Variants in RGMA observed in about 807,000 individuals in gnomAD.
RGMA encodes repulsive guidance molecule BMP co-receptor a, also known as repulsive guidance molecule A.
RGMA carries 10 observed loss-of-function variants against 23.2 expected under a neutral mutation model. The observed-to-expected ratio is 0.43, with a 90% confidence interval of 0.27 to 0.73. The LOEUF is 0.73. Ranked by LOEUF, RGMA falls within the 30% of genes least tolerant of loss-of-function variation. The pLI is 0.20. For missense variants in RGMA, 547 were observed against 630.5 expected, an observed-to-expected ratio of 0.87 and a Z score of 1.42; for synonymous variants, 308 against 279.3, an observed-to-expected ratio of 1.10 and a Z score of -1.03.
chr15:93,083,969 A>G (rs1895598374), intron 1 of RGMA, among the ~76,000 whole-genome samples: 1 of 152,228 alleles, frequency 6.6e-6, no homozygotes, highest in Non-Finnish European at 1.5e-5. Context: ...TTTATACTTT[A>G]CCTCTTTCCA....
rs140514824 is a variant in RGMA, at chr15:93,053,465, C to G, written c.131-958G>C. On this transcript the variant is annotated intron_variant, in intron 2 of 3. Coordinates refer to ENST00000329082, the MANE Select transcript of RGMA (RefSeq NM_020211.3). The stretch of plus-strand genomic sequence containing the variant: ...CTCTGGGGTCACAGCCCAGTCCTGG[C>G]CTGGGTGGTCTCCAGCGGGGAAAGG... 7.2e-3 allele frequency among the ~76,000 whole-genome samples: 1,103 copies of G among 152,280 alleles called. 7 individuals are homozygous for G. The highest frequency in any genetic ancestry group is 0.011 in the Non-Finnish European group (763 of 68,014).
chr15:93,066,224 T>C, intron 2 of RGMA: 1 of 1,409,808 alleles, frequency 7.1e-7, no homozygotes, highest in African/African-American at 1.4e-5. Context: ...TCTCCAACGC[T>C]GCGCAGAAAC....
chr15:93,059,572 T>G (rs2055069286), intron 2 of RGMA, among the ~76,000 whole-genome samples: 1 of 152,156 alleles, frequency 6.6e-6, no homozygotes, highest in African/African-American at 2.4e-5. Flanking sequence ...GAAAGGAAGC[T>G]CTCTGGGAAC....
intron 1 of RGMA, among the ~76,000 whole-genome samples, chr15:93,085,155 G>C (rs960744993): frequency 5.1e-4 from 78 of 152,228 alleles, no homozygotes; most frequent in African/African-American, 1.8e-3. Context: ...CCAGGAAACA[G>C]AGCAAACTGT....
chr15:93,055,623 C>T (rs2055000976), intron 2 of RGMA, among the ~76,000 whole-genome samples: 1 of 152,192 alleles, frequency 6.6e-6, no homozygotes, highest in Non-Finnish European at 1.5e-5. Context: ...GATTCCCTCC[C>T]CCACGGGTGG....
intron 1 of RGMA, chr15:93,074,159 A>C: frequency 2.2e-6 from 1 of 458,484 alleles, no homozygotes; most frequent in Non-Finnish European, 3.1e-6. Context: ...GTTCTTAGTC[A>C]AACCAACTCC....
chr15:93,050,250 T>C (rs1294202245), intron 3 of RGMA, among the ~76,000 whole-genome samples: 1 of 152,198 alleles, frequency 6.6e-6, no homozygotes, highest in Non-Finnish European at 1.5e-5. Flanking sequence ...GTCTGTTAAG[T>C]GTTTGCTCCA....
intron 1 of RGMA, chr15:93,088,306 G>A: frequency 1.0e-6 from 1 of 983,450 alleles, no homozygotes; most frequent in Non-Finnish European, 1.2e-6. Context: ...GGCGCGAGCC[G>A]GCGCTGAATC....
chr15:93,061,401 C>T (rs909511943), intron 2 of RGMA, among the ~76,000 whole-genome samples: 7 of 152,218 alleles, frequency 4.6e-5, no homozygotes, highest in African/African-American at 1.4e-4. Context: ...CCACCTGCCT[C>T]GGCCTCCCAA....
At chr15:93,064,466 C>A (rs554307404) in intron 2 of RGMA, among the ~76,000 whole-genome samples, 26 of 152,354 alleles carry the variant, frequency 1.7e-4, no homozygotes, top group Non-Finnish European at 3.4e-4. Context: ...TTTGAAGTGG[C>A]TTTTCTCCCT....
chr15:93,043,131 C>T lies in RGMA; in HGVS notation c.*1867G>A, dbSNP rs1278789202. On this transcript the variant is annotated 3_prime_UTR_variant, in exon 4 of 4. Transcript: ENST00000329082. Reference sequence around the variant, plus strand: ...GGTGGCTGTTAAACTGCTGCATCTTCTATCCGCCTTCACACCATTCTCACG... The same window carrying T: ...GGTGGCTGTTAAACTGCTGCATCTTTTATCCGCCTTCACACCATTCTCACG... 6.6e-6 allele frequency: 1 copy of T among 152,338 alleles called. No homozygotes were observed. Among genetic ancestry groups the T allele is most frequent in the East Asian group, 1.9e-4 (1 of 5,202 alleles). 9.4% of individuals were successfully genotyped at this position (152,338 alleles called of 1,614,324 possible).
At chr15:93,065,780 T>C in intron 2 of RGMA, 1 of 1,075,614 alleles carries the variant, frequency 9.3e-7, no homozygotes, top group South Asian at 1.2e-5. Context: ...CCTTCCGTGG[T>C]AGGCTGGCTG....
chr15:93,089,144 A>C lies in RGMA; in HGVS notation c.-212T>G. 1 of 321,174 alleles carries C rather than the reference A, an allele frequency of 3.1e-6. No individual in the cohort carries two copies. 19.9% of individuals were successfully genotyped at this position (321,174 alleles called of 1,614,324 possible). On this transcript the variant is annotated 5_prime_UTR_variant, in exon 1 of 4. Coordinates refer to ENST00000329082, the MANE Select transcript of RGMA (RefSeq NM_020211.3). ...CCTGGCGGAGCCGGCCCGGGAGCGA[A>C]CGGCCAGTGCTTCCCCGGCCCAGCG... is the stretch of plus-strand genomic sequence containing the variant.
rs1036165230 is a variant in RGMA, at chr15:93,044,543, G to A, written c.*455C>T. 3 of 182,760 alleles carry A rather than the reference G, an allele frequency of 1.6e-5. No homozygotes were observed. The highest frequency in any genetic ancestry group is 5.5e-5 in the Admixed American group (1 of 18,054). 11.3% of individuals were successfully genotyped at this position (182,760 alleles called of 1,614,324 possible). On this transcript the variant is annotated 3_prime_UTR_variant, in exon 4 of 4. Transcript: ENST00000329082. ...GGCTGGGGTGTCCCCGCTGGCCTAGGGGGATCGAGTGTGCTCTCGTGTAAG... is the reference window on the plus strand; with the variant it reads ...GGCTGGGGTGTCCCCGCTGGCCTAGAGGGATCGAGTGTGCTCTCGTGTAAG...
intron 2 of RGMA, among the ~76,000 whole-genome samples, chr15:93,060,719 C>T (rs936863525): frequency 4.6e-5 from 7 of 152,230 alleles, no homozygotes; most frequent in African/African-American, 7.2e-5. Flanking sequence ...AGGCACACCA[C>T]GGAATTTTAG....
chr15:93,089,207 AGAGTGGGGCGGCCGG>A (rs1895694465), exon 1 of RGMA: 3 of 245,426 alleles, frequency 1.2e-5, no homozygotes, highest in East Asian at 2.3e-4. Context: ...AGACAACTGC[AGAGTGGGGCGGCCGG>A]GACCAGCCCC....
chr15:93,081,189 G>A (rs1895553840), intron 1 of RGMA, among the ~76,000 whole-genome samples: 1 of 152,048 alleles, frequency 6.6e-6, no homozygotes, highest in Non-Finnish European at 1.5e-5. Flanking sequence ...TCACAGCCTG[G>A]CTGCCCCAGG....
chr15:93,088,956 T>C lies in RGMA; in HGVS notation c.-24A>G. 7.2e-7 allele frequency: 1 copy of C among 1,382,234 alleles called. No homozygotes were observed. Among genetic ancestry groups the C allele is most frequent in the Non-Finnish European group, 9.3e-7 (1 of 1,075,564 alleles). 85.6% of individuals were successfully genotyped at this position (1,382,234 alleles called of 1,614,324 possible). A position where few individuals can be genotyped will look rare whatever the true frequency, so the allele number is the denominator to read the frequency against. Reference sequence around the variant, plus strand: ...ATGAGCCCCTGCGGCCCGCGGGGGGTGGCGCTGGCGGGGCTGCGGGAGAAG... The same window carrying C: ...ATGAGCCCCTGCGGCCCGCGGGGGGCGGCGCTGGCGGGGCTGCGGGAGAAG... On this transcript the variant is annotated 5_prime_UTR_variant, in exon 1 of 4. Coordinates refer to ENST00000329082, the MANE Select transcript of RGMA (RefSeq NM_020211.3).
chr15:93,061,678 CCT>C (rs2141825773), intron 2 of RGMA, among the ~76,000 whole-genome samples: 1 of 152,348 alleles, frequency 6.6e-6, no homozygotes, highest in Non-Finnish European at 1.5e-5. Context: ...CAACCTAGCA[CCT>C]CTGAGAATCA....
Sources: gnomAD v4.1 joint callset for allele counts (sites outside exome capture counted in the v4.1 genomes callset) on GRCh38, gnomAD v4.1.1 for gene constraint, MANE v1.5 for transcripts, NCBI Gene and HGNC (gene_info 2026-07-23, HGNC 2026-07-21) for gene names.